Variants in KCNIP1 observed in about 807,000 individuals in gnomAD.
KCNIP1 encodes the protein potassium voltage-gated channel interacting protein 1.
KCNIP1 carries 18 observed loss-of-function variants against 33.0 expected under a neutral mutation model. The observed-to-expected ratio is 0.55, with a 90% CI of 0.38 to 0.81. The LOEUF (loss-of-function observed/expected upper bound fraction) is 0.81, where lower values mean the gene tolerates loss of function less well. Among genes scored for constraint, KCNIP1 ranks in the 30% least tolerant of loss-of-function variants. The probability of loss-of-function intolerance (pLI) is 0.00; values close to 1 mark genes in which losing one functional copy is unlikely to be tolerated. For synonymous variants in KCNIP1, 93 were observed against 98.3 expected (o/e 0.95, Z 0.32); for missense variants, 238 against 271.6 (o/e 0.88, Z 0.87).
chr5:170,571,862 T>C (rs1757422988), intron 1 of KCNIP1, among the ~76,000 whole-genome samples: 1 of 152,156 alleles, frequency 6.6e-6, no homozygotes, highest in South Asian at 2.1e-4. Flanking sequence ...CCGAAGAATA[T>C]TCTTCAATAT....
At chr5:170,640,109 G>A (rs892039817) in intron 1 of KCNIP1, among the ~76,000 whole-genome samples, 1 of 152,226 alleles carries the variant, frequency 6.6e-6, no homozygotes, top group Non-Finnish European at 1.5e-5. Context: ...AGAGACTTAG[G>A]AAGTAGAATC....
chr5:170,383,232 C>T (rs1003612186), intron 1 of KCNIP1: 49 of 290,798 alleles, frequency 1.7e-4, no homozygotes, highest in Middle Eastern at 1.0e-3. Flanking sequence ...GGGGAGTCAC[C>T]GGGATTCCAC....
intron 5 of KCNIP1, among the ~76,000 whole-genome samples, chr5:170,723,820 G>A (rs1430455941): frequency 6.6e-6 from 1 of 152,144 alleles, no homozygotes; most frequent in African/African-American, 2.4e-5. Context: ...TCGTCATACT[G>A]GAACCAGTTA....
At chr5:170,520,726 T>C (rs1389672410) in intron 1 of KCNIP1, among the ~76,000 whole-genome samples, 1 of 152,198 alleles carries the variant, frequency 6.6e-6, no homozygotes, top group Non-Finnish European at 1.5e-5. Flanking sequence ...TCGCCCACCA[T>C]TGCTCTGCTA....
intron 7 of KCNIP1, among the ~76,000 whole-genome samples, chr5:170,734,366 G>C (rs1242096285): frequency 6.6e-6 from 1 of 152,130 alleles, no homozygotes; most frequent in Non-Finnish European, 1.5e-5. Flanking sequence ...CTAGATCTGG[G>C]TCACTTTAAC....
At chr5:170,450,752 C>A (rs907301664) in intron 1 of KCNIP1, among the ~76,000 whole-genome samples, 3 of 152,160 alleles carry the variant, frequency 2.0e-5, no homozygotes, top group African/African-American at 7.2e-5. Context: ...TATCGGTTTT[C>A]AGAATGTCTC....
chr5:170,551,072 A>G (rs1756610113), intron 1 of KCNIP1, among the ~76,000 whole-genome samples: 1 of 152,058 alleles, frequency 6.6e-6, no homozygotes, highest in African/African-American at 2.4e-5. Flanking sequence ...GTACAGGCGC[A>G]CTCACTCACT....
chr5:170,726,192 G>T (rs547477210), intron 5 of KCNIP1, among the ~76,000 whole-genome samples: 8 of 152,142 alleles, frequency 5.3e-5, no homozygotes, highest in Admixed American at 3.3e-4. Context: ...AAAAATGTTT[G>T]CAAATTATAT....
At chr5:170,522,532 G>A (rs1037378729) in intron 1 of KCNIP1, among the ~76,000 whole-genome samples, 1 of 152,244 alleles carries the variant, frequency 6.6e-6, no homozygotes, top group Non-Finnish European at 1.5e-5. Flanking sequence ...CCTGACAGAT[G>A]AGTCCCTTTT....
chr5:170,686,038 G>A (rs745697426), intron 1 of KCNIP1, among the ~76,000 whole-genome samples: 1 of 152,118 alleles, frequency 6.6e-6, no homozygotes. Flanking sequence ...GAAAGTACTT[G>A]TTGCTGGCCT....
chr5:170,712,796 AGT>A lies in KCNIP1; in HGVS notation c.62-5957_62-5956del. ...GCGGCCTCTCTCCATTGACAATAAA[AGT>A]GTGTTTTGCTTTTCGATGAATCGAT... is the stretch of plus-strand genomic sequence containing the variant. On this transcript the variant is annotated intron_variant, in intron 1 of 7. Transcript: ENST00000328939. The A allele has an allele frequency of 2.6e-6, 4 of 1,554,704 alleles. No homozygotes were observed. The East Asian group carries it at 6.7e-5, about 26-fold the overall frequency.
chr5:170,633,857 A>T (rs1306227052), intron 1 of KCNIP1, among the ~76,000 whole-genome samples: 2 of 151,978 alleles, frequency 1.3e-5, no homozygotes, highest in East Asian at 3.9e-4. Context: ...AGCTTGGGGC[A>T]GAAACAAGAG....
chr5:170,373,675 A>C (rs1359969283), intron 1 of KCNIP1, among the ~76,000 whole-genome samples: 1 of 152,254 alleles, frequency 6.6e-6, no homozygotes, highest in Non-Finnish European at 1.5e-5. Context: ...CAAATCTCTA[A>C]TGTCCAGCTT....
chr5:170,708,334 A>G (rs1460358052), intron 1 of KCNIP1, among the ~76,000 whole-genome samples: 2 of 152,224 alleles, frequency 1.3e-5, no homozygotes, highest in African/African-American at 2.4e-5. Context: ...TACAATGTCT[A>G]ATGTAGTCAA....
At chr5:170,383,904 A>G in intron 1 of KCNIP1, 1 of 1,574,548 alleles carries the variant, frequency 6.4e-7, no homozygotes, top group Non-Finnish European at 8.7e-7. Flanking sequence ...GGTGACACAC[A>G]GAACACCCAT....
chr5:170,393,429 C>A (rs766649873), intron 1 of KCNIP1, among the ~76,000 whole-genome samples: 1 of 152,184 alleles, frequency 6.6e-6, no homozygotes, highest in Admixed American at 6.5e-5. Context: ...TCAGTCCTAG[C>A]GAAGCTGTGC....
At chr5:170,722,949 G>T in intron 5 of KCNIP1, 129 bp downstream of exon 5, 4 of 620,626 alleles carry the variant, frequency 6.4e-6, no homozygotes, top group Non-Finnish European at 8.5e-6. Context: ...TAACAGAGCT[G>T]GTCCCTGGCA....
intron 1 of KCNIP1, among the ~76,000 whole-genome samples, chr5:170,658,965 G>T (rs1364336783): frequency 1.3e-5 from 2 of 152,116 alleles, no homozygotes; most frequent in South Asian, 2.1e-4. Flanking sequence ...CTAAGTCGAC[G>T]TTTCCAAAGT....
chr5:170,614,534 C>T (rs1360692323), intron 1 of KCNIP1, among the ~76,000 whole-genome samples: 2 of 152,222 alleles, frequency 1.3e-5, no homozygotes, highest in Non-Finnish European at 2.9e-5. Flanking sequence ...TGTTTACATA[C>T]TTTATGCAAA....
Sources: allele counts gnomAD v4.1 joint callset (sites outside exome capture counted in the v4.1 genomes callset), GRCh38; gene constraint gnomAD v4.1.1; transcripts MANE v1.5; gene names NCBI Gene and HGNC (gene_info 2026-07-23, HGNC 2026-07-21).